Variants in XKR6 observed in about 807,000 individuals in gnomAD.
XKR6 encodes XK related 6.
A neutral mutation model predicts 56.7 loss-of-function variants in XKR6; 22 were observed. That is an observed-to-expected ratio of 0.39 (90% CI 0.28 to 0.55). The LOEUF is 0.55. Ranked by LOEUF, XKR6 falls within the 20% of genes least tolerant of loss-of-function variation. The probability of loss-of-function intolerance (pLI) is 0.66; values close to 1 mark genes in which losing one functional copy is unlikely to be tolerated. For synonymous variants in XKR6, 524 were observed against 387.8 expected (o/e 1.35, Z -4.13); for missense variants, 852 against 889.0 (o/e 0.96, Z 0.53).
At chr8:11,193,203 A>C (rs1338078280) in intron 1 of XKR6, among the ~76,000 whole-genome samples, 5 of 152,264 alleles carry the variant, frequency 3.3e-5, no homozygotes, top group African/African-American at 1.2e-4. Flanking sequence ...TCCATGCTCT[A>C]AATCAGTGAC....
intron 1 of XKR6, among the ~76,000 whole-genome samples, chr8:11,173,959 T>C (rs1802520582): frequency 6.6e-6 from 1 of 152,188 alleles, no homozygotes; most frequent in Non-Finnish European, 1.5e-5. Context: ...TACCCTCGGG[T>C]GCTTTGGGAT....
rs1804195594 is a variant in XKR6, at chr8:11,201,020, G to A, written c.320C>T (p.Pro107Leu). The A allele has an allele frequency of 1.6e-6, 2 of 1,227,498 alleles. No homozygotes were observed. Among genetic ancestry groups the A allele is most frequent in the Non-Finnish European group, 2.0e-6 (2 of 987,932 alleles). 76.0% of individuals were successfully genotyped at this position (1,227,498 alleles called of 1,614,324 possible). A position where few individuals can be genotyped will look rare whatever the true frequency, so the allele number is the denominator to read the frequency against. ...CGGCCGCGCGGCCGAGGGCGTCGGG[G>A]GTTGGCGGCCGGCGCCGGGGGCCGC... The part of the protein sequence containing the change: ...PPAAPGAGRQ[P>L]PTPSAARPEP... The change falls in exon 1 of 3, where the codon CCC (proline) becomes CTC (leucine). Residue 107 changes from proline to leucine, a missense_variant. Pro to Leu is a moderately conservative substitution (Grantham distance 98). Coordinates refer to ENST00000416569, the MANE Select transcript of XKR6 (RefSeq NM_173683.4).
chr8:11,049,428 C>CG (rs1056872443), intron 1 of XKR6, among the ~76,000 whole-genome samples: 11 of 152,286 alleles, frequency 7.2e-5, no homozygotes, highest in African/African-American at 2.6e-4. Flanking sequence ...GCCCCTGACC[C>CG]GGGGCTGGCT....
intron 1 of XKR6, among the ~76,000 whole-genome samples, chr8:11,031,240 G>A (rs576291699): frequency 7.9e-5 from 12 of 152,338 alleles, no homozygotes; most frequent in Admixed American, 2.6e-4. Context: ...GAGAGAGTGC[G>A]TGCAAGAACG....
intron 1 of XKR6, among the ~76,000 whole-genome samples, chr8:11,144,192 T>C (rs1396613511): frequency 6.7e-6 from 1 of 149,756 alleles, no homozygotes; most frequent in Non-Finnish European, 1.5e-5. Context: ...GCTGTATATA[T>C]TTATTTGATG....
intron 1 of XKR6, among the ~76,000 whole-genome samples, chr8:10,978,615 T>G (rs1215690702): frequency 6.6e-6 from 1 of 152,246 alleles, no homozygotes; most frequent in Non-Finnish European, 1.5e-5. Context: ...TTAAGCCAGA[T>G]GCAGATCATT....
At chr8:10,992,272 G>GTC (rs202038745) in intron 1 of XKR6, among the ~76,000 whole-genome samples, 140 of 144,190 alleles carry the variant, frequency 9.7e-4, no homozygotes, top group African/African-American at 2.9e-3. Context: ...CTGTCTCTCT[G>GTC]TCTCTCTCTC....
At chr8:11,026,825 C>T (rs1237471400) in intron 1 of XKR6, among the ~76,000 whole-genome samples, 6 of 151,890 alleles carry the variant, frequency 4.0e-5, no homozygotes, top group Admixed American at 2.6e-4. Flanking sequence ...GATGGTCTAG[C>T]CTACTACACA....
chr8:11,075,442 A>T (rs1437694944), intron 1 of XKR6, among the ~76,000 whole-genome samples: 3 of 151,668 alleles, frequency 2.0e-5, no homozygotes, highest in African/African-American at 7.3e-5. Flanking sequence ...GCAAAAGCTG[A>T]CTCTTCCCAG....
At chr8:11,042,896 C>T (rs1209755923) in intron 1 of XKR6, among the ~76,000 whole-genome samples, 1 of 152,112 alleles carries the variant, frequency 6.6e-6, no homozygotes, top group Non-Finnish European at 1.5e-5. Context: ...CCAGAAGAGT[C>T]CTCCCTGCAC....
intron 1 of XKR6, among the ~76,000 whole-genome samples, chr8:10,995,831 G>A (rs953663305): frequency 1.3e-5 from 2 of 152,190 alleles, no homozygotes; most frequent in Non-Finnish European, 2.9e-5. Context: ...GCCAGAGGCT[G>A]CAAATGTGAG....
chr8:11,106,863 A>AAAAAAAAAAAAAAAG (rs60435831), intron 1 of XKR6, among the ~76,000 whole-genome samples: 26,929 of 106,408 alleles, frequency 0.25, 4,980 homozygotes, highest in Non-Finnish European at 0.34. Flanking sequence ...AAAAAAAAAA[A>AAAAAAAAAAAAAAAG]AATAAAAAAG....
chr8:11,144,991 G>C (rs1218646392), intron 1 of XKR6, among the ~76,000 whole-genome samples: 7 of 147,696 alleles, frequency 4.7e-5, no homozygotes, highest in South Asian at 2.2e-4. Context: ...GAGGGATGGA[G>C]AAAGGGAGAA....
At chr8:11,030,346 T>C (rs1798964222) in intron 1 of XKR6, among the ~76,000 whole-genome samples, 1 of 152,208 alleles carries the variant, frequency 6.6e-6, no homozygotes, top group African/African-American at 2.4e-5. Context: ...AGAATGTACA[T>C]GCTGCCATTG....
chr8:11,040,740 C>T (rs944253164), intron 1 of XKR6, among the ~76,000 whole-genome samples: 5 of 152,130 alleles, frequency 3.3e-5, no homozygotes, highest in Non-Finnish European at 7.4e-5. Context: ...CACGACTGAT[C>T]GCCCCCCAAA....
intron 2 of XKR6, among the ~76,000 whole-genome samples, chr8:10,914,402 G>T (rs1318448579): frequency 6.6e-6 from 1 of 152,128 alleles, no homozygotes; most frequent in Non-Finnish European, 1.5e-5. Flanking sequence ...GCTGAGATTC[G>T]TAAAGAATGG....
intron 1 of XKR6, among the ~76,000 whole-genome samples, chr8:10,958,300 G>A (rs1801958886): frequency 6.6e-6 from 1 of 152,260 alleles, no homozygotes; most frequent in African/African-American, 2.4e-5. Flanking sequence ...AGAGGCCTGA[G>A]TGCTGGGGCT....
intron 1 of XKR6, among the ~76,000 whole-genome samples, chr8:11,141,243 A>G (rs1037998015): frequency 1.2e-4 from 19 of 152,228 alleles, no homozygotes; most frequent in African/African-American, 4.3e-4. Flanking sequence ...AAGTAATTCT[A>G]TAATAGTCTA....
At chr8:10,962,231 C>G (rs956021873) in intron 1 of XKR6, among the ~76,000 whole-genome samples, 2 of 152,108 alleles carry the variant, frequency 1.3e-5, no homozygotes, top group Non-Finnish European at 2.9e-5. Context: ...CCCTAAAACC[C>G]CAAAACATAA....
Sources: allele counts gnomAD v4.1 joint callset (sites outside exome capture counted in the v4.1 genomes callset), GRCh38; gene constraint gnomAD v4.1.1; transcripts MANE v1.5; gene names NCBI Gene and HGNC (gene_info 2026-07-23, HGNC 2026-07-21).